Variants in RPS6KB2 observed in about 807,000 individuals in gnomAD.
The protein encoded by RPS6KB2 is ribosomal protein S6 kinase B2, also known as ribosomal protein S6 kinase beta-2.
In RPS6KB2, 51 loss-of-function variants were observed where a neutral mutation model predicts 58.2. That is an observed-to-expected ratio of 0.88 (90% CI 0.70 to 1.11). The LOEUF is 1.11. RPS6KB2 is among the 50% of genes least tolerant of loss of function. RPS6KB2 has a pLI of 0.00. For synonymous variants in RPS6KB2, 293 were observed against 258.6 expected (o/e 1.13, Z -1.28); for missense variants, 671 against 655.8 (o/e 1.02, Z -0.25).
intron 5 of RPS6KB2, chr11:67,432,362 C>T: frequency 4.4e-6 from 3 of 683,676 alleles, no homozygotes; most frequent in Non-Finnish European, 8.0e-6. Flanking sequence ...GTAGACTGAG[C>T]GTCCTGAGGG....
Position 67,434,642 on chromosome 11 carries a change from C to T in RPS6KB2, c.1216C>T (p.Pro406Ser). ...CATCAAGGAGGGCTTCTCCTTCCAG[C>T]CCAAGCTGCGCTCACCCAGGCGCCT... ...DSIKEGFSFQ[P>S]KLRSPRRLNS... The change falls in exon 14 of 15, where the codon CCC becomes TCC. Residue 406 changes from proline to serine, a missense_variant. By Grantham distance (74) the Pro-to-Ser change is moderately conservative. Transcript: ENST00000312629. 1.2e-6 allele frequency: 2 copies of T among 1,610,716 alleles called. No individual in the cohort carries two copies. Among genetic ancestry groups the T allele is most frequent in the Non-Finnish European group, 1.7e-6 (2 of 1,179,332 alleles).
chr11:67,434,966 T>C lies in RPS6KB2; in HGVS notation c.1269-23T>C, dbSNP rs529621977. 3.9e-5 allele frequency: 63 copies of C among 1,610,892 alleles called. No homozygotes were observed. The South Asian group carries it at 4.7e-4, about 12-fold the overall frequency. The stretch of plus-strand genomic sequence containing the variant: ...TCTGGCAGGGCCTAGGAGGCTCTTA[T>C]TCTGCCTTGGTTTCCCCTGCAGCCC... On this transcript the variant is annotated intron_variant, in intron 14 of 14. Transcript: ENST00000312629.
intron 5 of RPS6KB2, 71 bp downstream of exon 5, chr11:67,431,586 G>T (rs1207036312): frequency 1.3e-6 from 2 of 1,523,928 alleles, no homozygotes; most frequent in South Asian, 1.2e-5. Flanking sequence ...GGAAGCTCTG[G>T]GGGGAAGCTC....
chr11:67,430,776 G>A (rs1429885464), intron 4 of RPS6KB2: 1 of 152,270 alleles, frequency 6.6e-6, no homozygotes, highest in Non-Finnish European at 1.5e-5. Context: ...GAGTGTTACT[G>A]GCACCCGGTG....
chr11:67,432,086 C>G (rs1244955336), intron 5 of RPS6KB2: 2 of 347,586 alleles, frequency 5.8e-6, no homozygotes, highest in Admixed American at 7.8e-5. Flanking sequence ...GGCCGGCTGT[C>G]CCCTGCAGGC....
chr11:67,429,405 C>G (rs1863951413), intron 3 of RPS6KB2, 122 bp from the exon 4 acceptor site: 1 of 1,358,972 alleles, frequency 7.4e-7, no homozygotes, highest in African/African-American at 1.4e-5. Context: ...GACTTGAAAT[C>G]TTCACTGCCC....
At position 67,432,316 on chromosome 11, in the gene RPS6KB2, C is replaced by T. The variant is rs183216479; in HGVS notation, c.458-284C>T. 3.3e-4 allele frequency: 209 copies of T among 641,202 alleles called. 1 individual carries two copies. The highest frequency in any genetic ancestry group is 6.1e-4 in the Admixed American group (29 of 47,920). The allele number at this position is 641,202 out of a possible 1,614,324, so 39.7% of individuals were successfully genotyped here. Reference sequence around the variant, plus strand: ...TCTTGGAGCTGTGGCCTGGGCCTGGCGTATTAGAGCCGTTGTGTACATGTC... The same window carrying T: ...TCTTGGAGCTGTGGCCTGGGCCTGGTGTATTAGAGCCGTTGTGTACATGTC... On this transcript the variant is annotated intron_variant, in intron 5 of 14. Transcript: ENST00000312629.
intron 5 of RPS6KB2, chr11:67,432,071 C>G (rs1020425492): frequency 1.2e-5 from 4 of 342,052 alleles, no homozygotes; most frequent in Non-Finnish European, 1.7e-5. Context: ...CAAGCCTTGC[C>G]CCTAGGCCGG....
rs746505066 is a variant in RPS6KB2, at chr11:67,428,645, G to A, written c.78+22G>A. On this transcript the variant is annotated intron_variant, in intron 1 of 14. Transcript: ENST00000312629. ...CGCGGTGAGTGCCCTGCCCTGGCGC[G>A]ACTGGATCCTGGAGCCGATCCTGTC... 1.3e-5 allele frequency: 20 copies of A among 1,594,768 alleles called. No individual in the cohort carries two copies. In the East Asian group the frequency reaches 4.3e-4, roughly 34 times the overall value.
At chr11:67,434,815 A>G (rs2135130760) in intron 14 of RPS6KB2, 121 bp downstream of exon 14, 3 of 1,003,152 alleles carry the variant, frequency 3.0e-6, no homozygotes, top group Admixed American at 2.1e-5. Context: ...TGCTGTGTCT[A>G]TCATGGGGAC....
Position 67,432,958 on chromosome 11 carries a change from T to A in RPS6KB2, c.623T>A (p.Ile208Asn). 1.9e-6 allele frequency: 3 copies of A among 1,613,302 alleles called. No individual in the cohort carries two copies. The South Asian group carries it at 3.3e-5, about 18-fold the overall frequency. ...CTCCAACACCCTTCCTCAGGCCACA[T>A]CAAACTGACCGACTTTGGACTCTGC... The part of the protein sequence containing the change: ...ENIMLSSQGH[I>N]KLTDFGLCKE... The change falls in exon 8 of 15, where the codon ATC becomes AAC. Residue 208 changes from isoleucine to asparagine, a missense_variant. Transcript: ENST00000312629.
At chr11:67,432,258 C>T (rs1422198127) in intron 5 of RPS6KB2, 4 of 554,796 alleles carry the variant, frequency 7.2e-6, no homozygotes, top group African/African-American at 3.7e-5. Context: ...CTCTGTCTTC[C>T]CTGTCTTCTC....
rs753415953 is a variant in RPS6KB2, at chr11:67,429,272, A to G, written c.240+32A>G. The G allele has an allele frequency of 1.4e-5, 23 of 1,609,832 alleles. No homozygotes were observed. In the Admixed American group the frequency reaches 3.8e-4, roughly 27 times the overall value. On this transcript the variant is annotated intron_variant, in intron 3 of 14. Coordinates refer to ENST00000312629, the MANE Select transcript of RPS6KB2 (RefSeq NM_003952.3). The stretch of plus-strand genomic sequence containing the variant: ...GCGGGCGCACCCTCCTCCTGGCCTC[A>G]CAGCCTCCATCTGGAGGCAGCAAAG...
chr11:67,431,904 T>A, intron 5 of RPS6KB2: 1 of 276,580 alleles, frequency 3.6e-6, no homozygotes. Flanking sequence ...CCGTCCACTC[T>A]CAGGGGCCTG....
At chr11:67,432,918 G>A in intron 7 of RPS6KB2, 34 bp from the exon 8 acceptor site, 1 of 1,610,728 alleles carries the variant, frequency 6.2e-7, no homozygotes, top group Non-Finnish European at 8.5e-7. Flanking sequence ...GTGGGGTGGG[G>A]CCCTGGTCAC....
chr11:67,433,525 A>C (rs1476908942), intron 10 of RPS6KB2, 78 bp downstream of exon 10: 1 of 1,162,298 alleles, frequency 8.6e-7, no homozygotes, highest in Non-Finnish European at 1.3e-6. Context: ...GGCTGTGGGG[A>C]AGCCAGGGCC....
Position 67,432,746 on chromosome 11 carries a change from G to A in RPS6KB2, c.525G>A (p.Leu175=). The A allele has an allele frequency of 2.5e-6, 4 of 1,614,136 alleles. No individual in the cohort carries two copies. Among genetic ancestry groups the A allele is most frequent in the South Asian group, 2.2e-5 (2 of 91,088 alleles). Residue 175 remains leucine, a synonymous_variant, in exon 7 of 15, where the codon CTG becomes CTA. Coordinates refer to ENST00000312629, the MANE Select transcript of RPS6KB2 (RefSeq NM_003952.3). ...TGTCTTGTTTCTGCAGCTTCTACCTGGCTGAGATCACGCTGGCCCTGGGCC... is the reference window on the plus strand; with the variant it reads ...TGTCTTGTTTCTGCAGCTTCTACCTAGCTGAGATCACGCTGGCCCTGGGCC... ...IFLEDTACFY[L]AEITLALGHL...
rs1864069480 is a variant in RPS6KB2, at chr11:67,432,661, G to A, written c.515+4G>A. Reference sequence around the variant, plus strand: ...TCTTCCTGGAAGATACGGCCTGGTGGGTGTTAATCCTCCGCTTTCCTGAGG... The same window carrying A: ...TCTTCCTGGAAGATACGGCCTGGTGAGTGTTAATCCTCCGCTTTCCTGAGG... On this transcript the variant is annotated splice_donor_region_variant and intron_variant, in intron 6 of 14. Transcript: ENST00000312629. 1.9e-6 allele frequency: 3 copies of A among 1,614,010 alleles called. No individual in the cohort carries two copies. The highest frequency in any genetic ancestry group is 1.3e-5 in the African/African-American group (1 of 74,902).
intron 11 of RPS6KB2, 27 bp from the exon 12 acceptor site, chr11:67,434,171 T>A: frequency 1.2e-6 from 2 of 1,613,380 alleles, no homozygotes; most frequent in East Asian, 2.2e-5. Flanking sequence ...GAGCTGTTAG[T>A]GGGTTTGGTG....
Sources: allele counts gnomAD v4.1 joint callset, GRCh38; gene constraint gnomAD v4.1.1; transcripts MANE v1.5; gene names NCBI Gene and HGNC (gene_info 2026-07-23, HGNC 2026-07-21).